Variants in ANO4 observed in about 807,000 individuals in gnomAD.
ANO4 encodes anoctamin-4.
Under a neutral mutation model 141.9 loss-of-function variants are expected in ANO4, and 69 were observed. The observed-to-expected ratio is 0.49, with a 90% CI of 0.40 to 0.59. ANO4 has a LOEUF of 0.59. ANO4 is among the 20% of genes least tolerant of loss of function. The pLI is 0.00. For missense variants in ANO4, 894 were observed against 1,162.2 expected, an observed-to-expected ratio of 0.77 and a Z score of 3.36; for synonymous variants, 350 against 394.3, an observed-to-expected ratio of 0.89 and a Z score of 1.33.
rs763949654 is a variant in ANO4 at position 100,806,524 on chromosome 12, G to GTT, written c.-141+11532_-141+11533dup. Among the ~76,000 whole-genome samples, 4 of 59,882 alleles carry GTT rather than the reference G, an allele frequency of 6.7e-5. 1 individual carries two copies. The highest frequency in any genetic ancestry group is 1.7e-4 in the African/African-American group (3 of 17,830). 39.3% of individuals were successfully genotyped at this position (59,882 alleles called of 152,430 possible). ...TTTTAGGAGGTTTTTTTTTTGTTTC[G>GTT]TTTTTTTTTTTTTTTTTTTTTTTTT... On this transcript the variant is annotated intron_variant, in intron 1 of 27. Transcript: ENST00000392977.
At chr12:100,812,884 C>A (rs766528321) in intron 1 of ANO4, among the ~76,000 whole-genome samples, 3 of 152,208 alleles carry the variant, frequency 2.0e-5, no homozygotes, top group African/African-American at 4.8e-5. Context: ...TAAAAGCAGT[C>A]GGCAAGGTTC....
At chr12:100,929,833 C>G (rs1041171298) in intron 3 of ANO4, among the ~76,000 whole-genome samples, 2 of 151,984 alleles carry the variant, frequency 1.3e-5, no homozygotes, top group Non-Finnish European at 2.9e-5. Context: ...TGATTTCCAA[C>G]TTTATTTTAC....
intron 1 of ANO4, among the ~76,000 whole-genome samples, chr12:100,799,366 G>A (rs78276227): frequency 0.039 from 5,990 of 152,158 alleles, 395 homozygotes; most frequent in African/African-American, 0.14. Context: ...TGTGATCATG[G>A]TACCCTTCAT....
intron 8 of ANO4, 135 bp from the exon 9 acceptor site, chr12:101,019,899 C>T: frequency 2.8e-6 from 2 of 705,548 alleles, no homozygotes; most frequent in Middle Eastern, 3.7e-4. Context: ...CTCTGGCTCC[C>T]TCAGGCTGTT....
At chr12:101,007,999 G>A (rs1462077902) in intron 8 of ANO4, among the ~76,000 whole-genome samples, 2 of 152,168 alleles carry the variant, frequency 1.3e-5, no homozygotes, top group Admixed American at 1.3e-4. Flanking sequence ...CTTCAAGCTG[G>A]AACATCAGTA....
chr12:100,894,207 G>A (rs539405542), intron 1 of ANO4, among the ~76,000 whole-genome samples: 1 of 152,184 alleles, frequency 6.6e-6, no homozygotes, highest in East Asian at 1.9e-4. Flanking sequence ...TTTGTGACAT[G>A]CTGATGCTAA....
At chr12:100,726,128 G>T (rs144102014) in intron 1 of ANO4, among the ~76,000 whole-genome samples, 80 of 152,288 alleles carry the variant, frequency 5.3e-4, no homozygotes, top group African/African-American at 1.9e-3. Flanking sequence ...CTTGGAGATG[G>T]ACTTCTCCTC....
chr12:101,068,529 A>G lies in ANO4; in HGVS notation c.1313-10664A>G. ...TTTCATATTTTCCTGGAATATGATC[A>G]GGATCTAAGTGTTAGGTGGAAAAAT... On this transcript the variant is annotated intron_variant, in intron 14 of 27. Coordinates refer to ENST00000392977, the MANE Select transcript of ANO4 (RefSeq NM_001286615.2). 2.6e-6 allele frequency: 3 copies of G among 1,162,200 alleles called. No homozygotes were observed. The Admixed American group carries it at 5.1e-5, about 20-fold the overall frequency. The allele number at this position is 1,162,200 out of a possible 1,614,324, so 72.0% of individuals were successfully genotyped here. A position where few individuals can be genotyped will look rare whatever the true frequency, so the allele number is the denominator to read the frequency against.
chr12:101,118,963 C>T (rs890308103), intron 25 of ANO4, among the ~76,000 whole-genome samples: 7 of 147,782 alleles, frequency 4.7e-5, no homozygotes, highest in African/African-American at 5.0e-5. Flanking sequence ...TGAGAACATG[C>T]GGTGTTTGGT....
chr12:100,855,302 G>T (rs1034837740), intron 1 of ANO4, among the ~76,000 whole-genome samples: 1 of 151,648 alleles, frequency 6.6e-6, no homozygotes, highest in African/African-American at 2.4e-5. Flanking sequence ...TTAATTATTA[G>T]TTACTAAAAC....
At chr12:101,090,426 G>T (rs547386213) in intron 17 of ANO4, among the ~76,000 whole-genome samples, 5 of 152,120 alleles carry the variant, frequency 3.3e-5, no homozygotes, top group African/African-American at 1.2e-4. Flanking sequence ...CCATAAAAAA[G>T]GATGAGTTCA....
chr12:100,753,823 C>T (rs1326108263), intron 3 of ANO4, among the ~76,000 whole-genome samples: 1 of 152,130 alleles, frequency 6.6e-6, no homozygotes, highest in East Asian at 1.9e-4. Context: ...CCGACTTTTC[C>T]CCTAATATTT....
At chr12:100,908,209 C>T (rs1291878173) in intron 2 of ANO4, among the ~76,000 whole-genome samples, 1 of 152,004 alleles carries the variant, frequency 6.6e-6, no homozygotes, top group African/African-American at 2.4e-5. Context: ...ATTAGCCGGA[C>T]GTGGTGGTGC....
chr12:101,032,153 G>A (rs2046999553), intron 9 of ANO4, among the ~76,000 whole-genome samples: 1 of 152,148 alleles, frequency 6.6e-6, no homozygotes, highest in East Asian at 1.9e-4. Flanking sequence ...GAACAAGCTG[G>A]AGGCATCATG....
At chr12:100,847,542 G>A (rs2037634553) in intron 1 of ANO4, among the ~76,000 whole-genome samples, 1 of 146,896 alleles carries the variant, frequency 6.8e-6, no homozygotes, top group African/African-American at 2.5e-5. Context: ...TGCAATCTCG[G>A]CTCACTGCAA....
At chr12:100,753,712 A>G (rs765644204) in intron 3 of ANO4, among the ~76,000 whole-genome samples, 7 of 152,166 alleles carry the variant, frequency 4.6e-5, no homozygotes, top group Admixed American at 2.6e-4. Context: ...GCATTATACT[A>G]TAGTAGTTTT....
intron 5 of ANO4, among the ~76,000 whole-genome samples, chr12:100,947,350 A>G (rs550722359): frequency 1.3e-5 from 2 of 152,278 alleles, no homozygotes; most frequent in Non-Finnish European, 2.9e-5. Flanking sequence ...GGACTCACCT[A>G]TCTGCCTCTG....
At chr12:101,053,033 A>G (rs1164263291) in intron 14 of ANO4, among the ~76,000 whole-genome samples, 1 of 152,180 alleles carries the variant, frequency 6.6e-6, no homozygotes, top group Non-Finnish European at 1.5e-5. Flanking sequence ...GAAGTGTGTC[A>G]ATTAAGATCT....
At chr12:100,873,534 A>AT (rs1338067075) in intron 1 of ANO4, among the ~76,000 whole-genome samples, 2 of 152,266 alleles carry the variant, frequency 1.3e-5, no homozygotes, top group African/African-American at 4.8e-5. Flanking sequence ...GGAACTTTGA[A>AT]TTTAAGAGTG....
Sources: gnomAD v4.1 joint callset for allele counts (sites outside exome capture counted in the v4.1 genomes callset) on GRCh38, gnomAD v4.1.1 for gene constraint, MANE v1.5 for transcripts, NCBI Gene and HGNC (gene_info 2026-07-23, HGNC 2026-07-21) for gene names.